Variants in STARD13 observed in about 807,000 individuals in gnomAD.
STARD13 encodes StAR related lipid transfer domain containing 13.
Under a neutral mutation model 106.4 loss-of-function variants are expected in STARD13, and 62 were observed. That is an observed-to-expected ratio of 0.58 (90% confidence interval 0.48 to 0.72). The LOEUF (loss-of-function observed/expected upper bound fraction) is 0.72. STARD13 is among the 30% of genes least tolerant of loss of function. STARD13 has a pLI of 0.00. For synonymous variants in STARD13, 565 were observed against 553.0 expected (o/e 1.02, Z -0.31); for missense variants, 1,387 against 1,424.0 (o/e 0.97, Z 0.42).
intron 11 of STARD13, among the ~76,000 whole-genome samples, chr13:33,110,453 C>T (rs1169775741): frequency 6.6e-6 from 1 of 152,132 alleles, no homozygotes; most frequent in Non-Finnish European, 1.5e-5. Context: ...CCCAACATCA[C>T]ACAGCTACGG....
the STARD13 span, among the ~76,000 whole-genome samples, chr13:33,539,839 CA>C: frequency 6.6e-6 from 1 of 152,124 alleles, no homozygotes; most frequent in Non-Finnish European, 1.5e-5. Flanking sequence ...AACTTACAAA[CA>C]AAAGCTGCTC....
intron 8 of STARD13, among the ~76,000 whole-genome samples, chr13:33,116,197 A>ACT (rs1236730494): frequency 6.6e-6 from 1 of 152,180 alleles, no homozygotes; most frequent in African/African-American, 2.4e-5. Flanking sequence ...TGCAAGCCAG[A>ACT]TGAATACACT....
At chr13:33,473,626 C>G in the STARD13 span, among the ~76,000 whole-genome samples, 1 of 152,108 alleles carries the variant, frequency 6.6e-6, no homozygotes, top group Non-Finnish European at 1.5e-5. Context: ...TTTTGGTTCC[C>G]GGACCAGTAA....
chr13:33,193,876 C>T (rs918320743), intron 1 of STARD13, among the ~76,000 whole-genome samples: 7 of 152,166 alleles, frequency 4.6e-5, no homozygotes, highest in South Asian at 2.1e-4. Context: ...AAGTGCTACA[C>T]GGCTCCATGG....
chr13:33,127,343 G>A, intron 6 of STARD13, 30 bp downstream of exon 6: 1 of 1,529,212 alleles, frequency 6.5e-7, no homozygotes, highest in Non-Finnish European at 8.8e-7. Flanking sequence ...TAGAGCCAAG[G>A]ATCCCCTCCT....
Position 33,115,193 on chromosome 13 carries a change from T to G in STARD13, c.2282-2262A>C, listed in dbSNP as rs75720817. Among the ~76,000 whole-genome samples the G allele has an allele frequency of 6.4e-4, 97 of 152,306 alleles. 1 individual carries two copies. The highest frequency in any genetic ancestry group is 2.3e-3 in the African/African-American group (94 of 41,564). ...TTACCCATCCAACACTCCAATTTAG[T>G]TCATCATTTGACAAAAATCCAAGAA... On this transcript the variant is annotated intron_variant, in intron 8 of 13. Transcript: ENST00000336934.
chr13:33,593,638 A>G, the STARD13 span, among the ~76,000 whole-genome samples: 1 of 152,214 alleles, frequency 6.6e-6, no homozygotes, highest in Non-Finnish European at 1.5e-5. Flanking sequence ...TTAAGAGGCC[A>G]TACTCAATCC....
the STARD13 span, among the ~76,000 whole-genome samples, chr13:33,458,526 G>T: frequency 6.6e-6 from 1 of 151,954 alleles, no homozygotes; most frequent in South Asian, 2.1e-4. Context: ...AATTCTTTTA[G>T]TCTCACTAGG....
chr13:33,132,400 C>T (rs1421318118), intron 4 of STARD13, among the ~76,000 whole-genome samples: 4 of 152,126 alleles, frequency 2.6e-5, no homozygotes, highest in Admixed American at 2.6e-4. Context: ...AAGGGGAAAC[C>T]CCTTTTGCTT....
chr13:33,401,180 C>A, the STARD13 span, among the ~76,000 whole-genome samples: 1 of 152,174 alleles, frequency 6.6e-6, no homozygotes, highest in Non-Finnish European at 1.5e-5. Flanking sequence ...AATCCTAAAA[C>A]AGGATTGCAT....
chr13:33,665,870 A>G, the STARD13 span, among the ~76,000 whole-genome samples: 1 of 152,196 alleles, frequency 6.6e-6, no homozygotes, highest in Non-Finnish European at 1.5e-5. Flanking sequence ...ACTTTTGATT[A>G]ATGAGAGTCT....
chr13:33,404,101 T>C, the STARD13 span, among the ~76,000 whole-genome samples: 5 of 152,222 alleles, frequency 3.3e-5, no homozygotes, highest in Non-Finnish European at 7.3e-5. Flanking sequence ...ATCATTGGTT[T>C]TGCGTAGCTG....
chr13:33,506,685 C>A, the STARD13 span, among the ~76,000 whole-genome samples: 4 of 152,028 alleles, frequency 2.6e-5, no homozygotes, highest in Non-Finnish European at 5.9e-5. Flanking sequence ...CAAATTTGAC[C>A]AATGGATTTT....
intron 8 of STARD13, among the ~76,000 whole-genome samples, chr13:33,114,956 G>C (rs191943582): frequency 2.6e-4 from 39 of 152,148 alleles, no homozygotes; most frequent in African/African-American, 9.4e-4. Context: ...CTGGCTCTAA[G>C]GGGATGATTC....
At chr13:33,360,171 CTCTT>C in the STARD13 span, among the ~76,000 whole-genome samples, 12 of 151,864 alleles carry the variant, frequency 7.9e-5, no homozygotes, top group Admixed American at 3.9e-4. Context: ...GATGTAATTC[CTCTT>C]TCTTCAACAA....
At chr13:33,514,688 C>A in the STARD13 span, among the ~76,000 whole-genome samples, 5 of 152,124 alleles carry the variant, frequency 3.3e-5, no homozygotes, top group African/African-American at 9.6e-5. Context: ...AGTGACAGAG[C>A]AAAACACAGG....
intron 4 of STARD13, among the ~76,000 whole-genome samples, chr13:33,137,657 T>A (rs1406615896): frequency 6.6e-6 from 1 of 152,166 alleles, no homozygotes; most frequent in East Asian, 1.9e-4. Flanking sequence ...TAATAAACAG[T>A]GGCTCAGCAA....
intron 7 of STARD13, among the ~76,000 whole-genome samples, chr13:33,125,638 A>G (rs983422948): frequency 7.9e-5 from 11 of 138,556 alleles, no homozygotes; most frequent in Non-Finnish European, 1.2e-4. Flanking sequence ...TTTCCTGGTC[A>G]TGATGCTGCT....
At chr13:33,208,717 G>C (rs1307533185) in intron 1 of STARD13, among the ~76,000 whole-genome samples, 1 of 152,172 alleles carries the variant, frequency 6.6e-6, no homozygotes, top group East Asian at 1.9e-4. Flanking sequence ...GGCTGAACTA[G>C]GAGGACAGGG....
Sources: gnomAD v4.1 joint callset for allele counts (sites outside exome capture counted in the v4.1 genomes callset) on GRCh38, gnomAD v4.1.1 for gene constraint, MANE v1.5 for transcripts, NCBI Gene and HGNC (gene_info 2026-07-23, HGNC 2026-07-21) for gene names.